The following ITGBL1 variants were observed in gnomAD, a reference collection of about 807,000 sequenced individuals.
ITGBL1 encodes integrin beta-like protein 1.
In ITGBL1, 51 loss-of-function variants were observed where a neutral mutation model predicts 68.5. That is an observed-to-expected ratio of 0.74 (90% CI 0.59 to 0.94). The LOEUF is 0.94. ITGBL1 is among the 40% of genes least tolerant of loss of function. ITGBL1 has a pLI of 0.00. For missense variants in ITGBL1, 649 were observed against 647.4 expected (o/e 1.00, Z -0.03); for synonymous variants, 209 against 227.3 (o/e 0.92, Z 0.72).
chr13:101,577,018 A>G (rs2050373920), intron 4 of ITGBL1, among the ~76,000 whole-genome samples: 1 of 152,136 alleles, frequency 6.6e-6, no homozygotes, highest in Non-Finnish European at 1.5e-5. Flanking sequence ...AAACACCACA[A>G]AAGCAGAGTC....
intron 2 of ITGBL1, among the ~76,000 whole-genome samples, chr13:101,541,834 T>C (rs1290151662): frequency 1.3e-5 from 2 of 152,226 alleles, no homozygotes; most frequent in Non-Finnish European, 2.9e-5. Flanking sequence ...TTTTCTAGTA[T>C]ATTTGTGTAG....
chr13:101,671,437 G>GTTTTTTTTT (rs1491455482), intron 7 of ITGBL1, among the ~76,000 whole-genome samples: 14 of 102,796 alleles, frequency 1.4e-4, no homozygotes, highest in Non-Finnish European at 1.5e-4. Flanking sequence ...TTTTTTTTTT[G>GTTTTTTTTT]TTTTTTTTTG....
intron 2 of ITGBL1, among the ~76,000 whole-genome samples, chr13:101,505,171 ATTTCTC>A (rs2049007886): frequency 2.0e-5 from 3 of 152,182 alleles, no homozygotes; most frequent in African/African-American, 7.2e-5. Flanking sequence ...TTTGAATGAG[ATTTCTC>A]TGCTGTTAGA....
At chr13:101,608,846 A>T (rs997044322) in intron 7 of ITGBL1, among the ~76,000 whole-genome samples, 4 of 152,072 alleles carry the variant, frequency 2.6e-5, no homozygotes, top group Admixed American at 1.3e-4. Context: ...ACCCTGCAAA[A>T]TTAACTTATT....
intron 6 of ITGBL1, among the ~76,000 whole-genome samples, chr13:101,587,338 T>C (rs2050574003): frequency 6.6e-6 from 1 of 152,348 alleles, no homozygotes; most frequent in South Asian, 2.1e-4. Flanking sequence ...CCACAAAATA[T>C]GTGTGTTTGT....
chr13:101,562,320 T>C (rs2050113161), intron 2 of ITGBL1, among the ~76,000 whole-genome samples: 1 of 152,024 alleles, frequency 6.6e-6, no homozygotes. Flanking sequence ...CTTAGAAAGT[T>C]GGTAGATTTA....
At chr13:101,628,770 A>G (rs1218256367) in intron 7 of ITGBL1, among the ~76,000 whole-genome samples, 3 of 151,384 alleles carry the variant, frequency 2.0e-5, no homozygotes, top group African/African-American at 7.3e-5. Flanking sequence ...TTTTTACATG[A>G]TCTAGTATAT....
At chr13:101,518,164 A>G (rs1304026927) in intron 2 of ITGBL1, among the ~76,000 whole-genome samples, 2 of 152,198 alleles carry the variant, frequency 1.3e-5, no homozygotes, top group Non-Finnish European at 2.9e-5. Context: ...GGTCAGTACA[A>G]CCGATGTTTC....
chr13:101,564,925 A>T (rs1320708669), intron 2 of ITGBL1, among the ~76,000 whole-genome samples: 2 of 152,056 alleles, frequency 1.3e-5, no homozygotes, highest in Non-Finnish European at 2.9e-5. Flanking sequence ...ATATGAAAGG[A>T]TATGCAGTAT....
chr13:101,719,576 T>G (rs2034852358), downstream of ITGBL1: 1 of 152,076 alleles, frequency 6.6e-6, no homozygotes, highest in Admixed American at 6.6e-5. Context: ...AATCTTATAT[T>G]AGAAAACAAA....
chr13:101,560,733 A>G (rs2050086054), intron 2 of ITGBL1, among the ~76,000 whole-genome samples: 2 of 152,222 alleles, frequency 1.3e-5, no homozygotes, highest in South Asian at 4.1e-4. Context: ...TAAGAAGACA[A>G]ATACAAGTAA....
intron 1 of ITGBL1, among the ~76,000 whole-genome samples, chr13:101,453,214 T>C (rs1440751330): frequency 6.6e-6 from 1 of 152,220 alleles, no homozygotes; most frequent in Non-Finnish European, 1.5e-5. Flanking sequence ...TAAAATGCTA[T>C]GTGTACCAGT....
At position 101,640,966 on chromosome 13, in the gene ITGBL1, TTAGTA is replaced by T. The variant is rs1415374593; in HGVS notation, c.1015+42669_1015+42673del. Among the ~76,000 whole-genome samples, 4 of 152,338 alleles carry T rather than the reference TTAGTA, an allele frequency of 2.6e-5. No individual in the cohort carries two copies. The East Asian group carries it at 7.7e-4, about 29-fold the overall frequency. ...ATGAAAAATATCCATCATTACTTAT[TTAGTA>T]TTAGTGTACATTTTACTACCATGGC... On this transcript the variant is annotated intron_variant, in intron 7 of 10. Transcript: ENST00000376180.
chr13:101,614,548 A>G (rs921819022), intron 7 of ITGBL1, among the ~76,000 whole-genome samples: 1 of 152,162 alleles, frequency 6.6e-6, no homozygotes, highest in Non-Finnish European at 1.5e-5. Context: ...AGAACTGACC[A>G]GCGAATCCAT....
chr13:101,613,218 C>T (rs2031215600), intron 7 of ITGBL1, among the ~76,000 whole-genome samples: 1 of 152,096 alleles, frequency 6.6e-6, no homozygotes, highest in Admixed American at 6.6e-5. Flanking sequence ...ATTTTACGGG[C>T]TTACAAGGTT....
At chr13:101,524,505 T>C (rs2139142222) in intron 2 of ITGBL1, among the ~76,000 whole-genome samples, 1 of 152,218 alleles carries the variant, frequency 6.6e-6, no homozygotes, top group Admixed American at 6.5e-5. Context: ...AAGATATTGG[T>C]GGTCATTATG....
Position 101,586,156 on chromosome 13 carries a change from A to T in ITGBL1, c.868+2800A>T, listed in dbSNP as rs1356688637. ...GTGTCATTAAGGAGGCTGCACTGGA[A>T]TCTAATTTTCCACCTCACCTATTCC... On this transcript the variant is annotated intron_variant, in intron 6 of 10. Transcript: ENST00000376180. Among the ~76,000 whole-genome samples the T allele has an allele frequency of 2.0e-5, 3 of 152,120 alleles. No homozygotes were observed. In the East Asian group the frequency reaches 5.8e-4, roughly 29 times the overall value.
intron 7 of ITGBL1, among the ~76,000 whole-genome samples, chr13:101,618,394 G>A (rs1397982122): frequency 2.0e-5 from 3 of 152,072 alleles, no homozygotes; most frequent in Admixed American, 1.3e-4. Context: ...CCTTTATTAC[G>A]TTTTAAAATC....
intron 7 of ITGBL1, among the ~76,000 whole-genome samples, chr13:101,671,438 TTTTTTTTTG>T (rs1566784478): frequency 7.0e-5 from 3 of 42,692 alleles, no homozygotes; most frequent in East Asian, 2.6e-3. Context: ...TTTTTTTTTG[TTTTTTTTTG>T]TTTTTTTTTG....
Sources: allele counts gnomAD v4.1 joint callset (sites outside exome capture counted in the v4.1 genomes callset), GRCh38; gene constraint gnomAD v4.1.1; transcripts MANE v1.5; gene names NCBI Gene and HGNC (gene_info 2026-07-23, HGNC 2026-07-21).